Variants in PRKCE observed in about 807,000 individuals in gnomAD.
PRKCE encodes protein kinase C epsilon.
Under a neutral mutation model 85.4 loss-of-function variants are expected in PRKCE, and 16 were observed. That is an observed-to-expected ratio of 0.19 (90% CI 0.13 to 0.28). PRKCE has a LOEUF of 0.28. Among genes scored for constraint, PRKCE ranks in the 10% least tolerant of loss-of-function variants. The pLI, the probability that PRKCE is intolerant of heterozygous loss-of-function variation, is 1.00. For missense variants in PRKCE, 573 were observed against 975.2 expected, an observed-to-expected ratio of 0.59 and a Z score of 5.49; for synonymous variants, 388 against 371.5, an observed-to-expected ratio of 1.04 and a Z score of -0.51.
intron 2 of PRKCE, among the ~76,000 whole-genome samples, chr2:45,975,582 C>T (rs1203318252): frequency 6.6e-5 from 10 of 152,208 alleles, no homozygotes; most frequent in Admixed American, 6.5e-4. Context: ...CAAATAGCAT[C>T]ACTTTGGGGG....
At chr2:45,853,870 G>A (rs748051555) in intron 2 of PRKCE, among the ~76,000 whole-genome samples, 4 of 152,100 alleles carry the variant, frequency 2.6e-5, no homozygotes, top group African/African-American at 7.2e-5. Flanking sequence ...CTCAGGGCCC[G>A]CATGCACACC....
At chr2:45,922,033 A>G (rs1698287454) in intron 2 of PRKCE, among the ~76,000 whole-genome samples, 1 of 152,208 alleles carries the variant, frequency 6.6e-6, no homozygotes, top group South Asian at 2.1e-4. Flanking sequence ...GATCACAAAA[A>G]CAAGCCCTTT....
chr2:45,994,337 G>A (rs1704051676), intron 6 of PRKCE, among the ~76,000 whole-genome samples: 1 of 152,030 alleles, frequency 6.6e-6, no homozygotes, highest in Admixed American at 6.6e-5. Flanking sequence ...TCTTGGTGGT[G>A]TACATTTCCA....
intron 10 of PRKCE, among the ~76,000 whole-genome samples, chr2:46,019,835 T>C (rs1574248848): frequency 6.7e-6 from 1 of 150,330 alleles, no homozygotes; most frequent in East Asian, 2.0e-4. Context: ...CTTGTAAAGC[T>C]GTTGGTTTTC....
chr2:45,686,808 C>A (rs575589774), intron 1 of PRKCE, among the ~76,000 whole-genome samples: 1 of 152,000 alleles, frequency 6.6e-6, no homozygotes, highest in Non-Finnish European at 1.5e-5. Flanking sequence ...GGAAAATTGG[C>A]GTCCAGAGCT....
At chr2:45,698,890 G>A (rs938664) in intron 1 of PRKCE, among the ~76,000 whole-genome samples, 95,873 of 151,904 alleles carry the variant, frequency 0.63, 31,711 homozygotes, top group African/African-American at 0.83. Flanking sequence ...CTCCCTTTTG[G>A]GAGAATTAAC....
At chr2:45,914,346 C>T (rs1697598442) in intron 2 of PRKCE, among the ~76,000 whole-genome samples, 1 of 152,160 alleles carries the variant, frequency 6.6e-6, no homozygotes, top group African/African-American at 2.4e-5. Context: ...GATGAGCAAG[C>T]TCTGTTTGGA....
At chr2:45,993,785 A>C (rs1704001263) in intron 6 of PRKCE, among the ~76,000 whole-genome samples, 1 of 152,172 alleles carries the variant, frequency 6.6e-6, no homozygotes, top group African/African-American at 2.4e-5. Context: ...TAGTGGGGAC[A>C]GAATTCTGGG....
intron 10 of PRKCE, among the ~76,000 whole-genome samples, chr2:46,056,160 AGCT>A (rs930799893): frequency 9.2e-5 from 14 of 152,144 alleles, no homozygotes; most frequent in African/African-American, 3.4e-4. Context: ...GAGCTCCATC[AGCT>A]GTTCACTGTT....
intron 1 of PRKCE, among the ~76,000 whole-genome samples, chr2:45,719,261 A>G (rs1003161532): frequency 1.3e-5 from 2 of 152,230 alleles, no homozygotes; most frequent in Non-Finnish European, 2.9e-5. Flanking sequence ...GATGATGTTA[A>G]TGTGTTTCAT....
At chr2:45,832,487 A>AT (rs1378289939) in intron 1 of PRKCE, among the ~76,000 whole-genome samples, 1 of 151,806 alleles carries the variant, frequency 6.6e-6, no homozygotes, top group Non-Finnish European at 1.5e-5. Flanking sequence ...TAATTTTTGT[A>AT]TTTTTAGTAG....
At position 46,160,685 on chromosome 2, in the gene PRKCE, C is replaced by G. The variant is rs550349176; in HGVS notation, c.2067+933C>G. 1.6e-4 allele frequency among the ~76,000 whole-genome samples: 24 copies of G among 152,314 alleles called. No homozygotes were observed. In the East Asian group the frequency reaches 3.1e-3, roughly 20 times the overall value. On this transcript the variant is annotated intron_variant, in intron 14 of 14. Transcript: ENST00000306156. ...AGGATTTGCCATCAGGCAGTCAGCC[C>G]TCAGTCACCCAGCATACTGTCAGAT...
intron 11 of PRKCE, among the ~76,000 whole-genome samples, chr2:46,115,639 G>A (rs958536203): frequency 8.5e-5 from 13 of 152,236 alleles, no homozygotes; most frequent in African/African-American, 3.1e-4. Flanking sequence ...GATCTCTATG[G>A]GCATCAGTGC....
intron 3 of PRKCE, chr2:45,978,558 A>C (rs41305586): frequency 1.8e-4 from 30 of 168,042 alleles, no homozygotes; most frequent in South Asian, 4.9e-4. Context: ...TGCCAGCTGC[A>C]GCCCTCTTCC....
rs367716797 is a variant in PRKCE at position 46,147,432 on chromosome 2, A to G, written c.1731+2201A>G. On this transcript the variant is annotated intron_variant, in intron 12 of 14. Transcript: ENST00000306156. Reference sequence around the variant, plus strand: ...CATGTTATAGTTAAGGACCCAACCCAAGACAGAACATTCACTTTATAATGA... The same window carrying G: ...CATGTTATAGTTAAGGACCCAACCCGAGACAGAACATTCACTTTATAATGA... 3.3e-5 allele frequency among the ~76,000 whole-genome samples: 5 copies of G among 152,196 alleles called. No homozygotes were observed. The East Asian group carries it at 7.7e-4, about 23-fold the overall frequency.
At chr2:46,061,859 C>CTTTTTT (rs10695600) in intron 10 of PRKCE, among the ~76,000 whole-genome samples, 2 of 107,746 alleles carry the variant, frequency 1.9e-5, no homozygotes, top group South Asian at 2.8e-4. Flanking sequence ...TTTTCTTTTT[C>CTTTTTT]TTTTTTTTTT....
Position 45,843,025 on chromosome 2 carries a change from T to C in PRKCE, c.374T>C (p.Val125Ala). 1 of 1,613,956 alleles carries C rather than the reference T, an allele frequency of 6.2e-7. No homozygotes were observed. The highest frequency in any genetic ancestry group is 8.5e-7 in the Non-Finnish European group (1 of 1,179,966). ...ATTGATCTGGAGCCAGAAGGAAGAG[T>C]GTATGTGATCATCGATCTCTCAGGG... ...DWIDLEPEGR[V>A]YVIIDLSGSS... The change falls in exon 2 of 15, where the codon GTG (valine) becomes GCG (alanine). Residue 125 changes from valine (V) to alanine (A), a missense_variant. Coordinates refer to ENST00000306156, the MANE Select transcript of PRKCE (RefSeq NM_005400.3).
At chr2:45,939,324 C>G (rs1464649849) in intron 2 of PRKCE, among the ~76,000 whole-genome samples, 2 of 152,186 alleles carry the variant, frequency 1.3e-5, no homozygotes, top group Non-Finnish European at 2.9e-5. Flanking sequence ...CTGCCACCTT[C>G]CCCTGTGTTC....
intron 10 of PRKCE, among the ~76,000 whole-genome samples, chr2:46,015,018 A>G (rs913167516): frequency 6.6e-6 from 1 of 152,212 alleles, no homozygotes; most frequent in South Asian, 2.1e-4. Flanking sequence ...AAGGAGACAG[A>G]TTCCTGCATC....
Sources: allele counts gnomAD v4.1 joint callset (sites outside exome capture counted in the v4.1 genomes callset), GRCh38; gene constraint gnomAD v4.1.1; transcripts MANE v1.5; gene names NCBI Gene and HGNC (gene_info 2026-07-23, HGNC 2026-07-21).